Variants in EPAS1 observed in about 807,000 individuals in gnomAD.
EPAS1 encodes the protein endothelial PAS domain-containing protein 1.
Under a neutral mutation model 87.9 loss-of-function variants are expected in EPAS1, and 23 were observed. The ratio of observed to expected loss-of-function variants is 0.26; its 90% CI spans 0.19 to 0.37. The LOEUF (loss-of-function observed/expected upper bound fraction) is 0.37. Among genes scored for constraint, EPAS1 ranks in the 10% least tolerant of loss-of-function variants. The pLI, the probability that EPAS1 is intolerant of heterozygous loss-of-function variation, is 1.00. For synonymous variants in EPAS1, 508 were observed against 444.3 expected (o/e 1.14, Z -1.80); for missense variants, 1,138 against 1,120.7 (o/e 1.02, Z -0.22).
intron 1 of EPAS1, among the ~76,000 whole-genome samples, chr2:46,306,934 C>T (rs79670309): frequency 0.01 from 1,526 of 152,252 alleles, 9 homozygotes; most frequent in Non-Finnish European, 0.016. Flanking sequence ...ATTACCTCTG[C>T]AATATTTTTC....
chr2:46,357,432 C>T (rs116263710), intron 4 of EPAS1, among the ~76,000 whole-genome samples: 1 of 152,188 alleles, frequency 6.6e-6, no homozygotes, highest in Non-Finnish European at 1.5e-5. Flanking sequence ...CTCAGAGACT[C>T]TCCCTCTCCA....
At chr2:46,312,499 A>G (rs575404940) in intron 1 of EPAS1, among the ~76,000 whole-genome samples, 104 of 146,692 alleles carry the variant, frequency 7.1e-4, no homozygotes, top group Admixed American at 4.2e-3. Flanking sequence ...TTTTGCAACT[A>G]TTATCTCAAT....
chr2:46,338,983 A>C (rs1037545584), intron 1 of EPAS1, among the ~76,000 whole-genome samples: 1 of 152,208 alleles, frequency 6.6e-6, no homozygotes, highest in African/African-American at 2.4e-5. Context: ...CTGGATACAT[A>C]TCTTTTATTG....
Position 46,379,920 on chromosome 2 carries a change from G to A in EPAS1, c.1555-307G>A, listed in dbSNP as rs187454630. The A allele has an allele frequency of 3.2e-5, 15 of 472,784 alleles. No individual in the cohort carries two copies. In the East Asian group the frequency reaches 5.5e-4, roughly 17 times the overall value. The allele number at this position is 472,784 out of a possible 1,614,324, so 29.3% of individuals were successfully genotyped here. On this transcript the variant is annotated intron_variant, in intron 11 of 15. Transcript: ENST00000263734. ...GGCAGGGCTGACTCTGTGGAAGAGGGGCTGCCTCGGCTTCAAGAGAGAAGG... is the reference window on the plus strand; with the variant it reads ...GGCAGGGCTGACTCTGTGGAAGAGGAGCTGCCTCGGCTTCAAGAGAGAAGG...
At chr2:46,326,601 GC>G (rs1683570259) in intron 1 of EPAS1, among the ~76,000 whole-genome samples, 1 of 152,192 alleles carries the variant, frequency 6.6e-6, no homozygotes, top group South Asian at 2.1e-4. Flanking sequence ...GAAATGGATT[GC>G]CTTACTACCC....
rs116199217 is a variant in EPAS1, at chr2:46,301,612, T to G, written c.26+3675T>G. Reference sequence around the variant, plus strand: ...AAAAAAAAAAGTCAGAACCCTGGTTTATTACTTTCAATTAAGTATGTATTT... The same window carrying G: ...AAAAAAAAAAGTCAGAACCCTGGTTGATTACTTTCAATTAAGTATGTATTT... On this transcript the variant is annotated intron_variant, in intron 1 of 15. Coordinates refer to ENST00000263734, the MANE Select transcript of EPAS1 (RefSeq NM_001430.5). 7.7e-3 allele frequency among the ~76,000 whole-genome samples: 1,173 copies of G among 151,824 alleles called. 20 individuals are homozygous for G. Among genetic ancestry groups the G allele is most frequent in the African/African-American group, 0.027 (1,121 of 41,360 alleles).
At chr2:46,354,422 AAAT>A (rs1419917165) in intron 2 of EPAS1, among the ~76,000 whole-genome samples, 15 of 152,204 alleles carry the variant, frequency 9.9e-5, no homozygotes, top group African/African-American at 3.4e-4. Context: ...CTTTGGAGTT[AAAT>A]AATGAACTAG....
chr2:46,350,008 T>C (rs912487816), intron 2 of EPAS1, among the ~76,000 whole-genome samples: 1 of 152,188 alleles, frequency 6.6e-6, no homozygotes, highest in African/African-American at 2.4e-5. Context: ...TATTTGGGGA[T>C]TGAGATAACA....
chr2:46,320,428 A>G (rs1683431499), intron 1 of EPAS1, among the ~76,000 whole-genome samples: 1 of 151,866 alleles, frequency 6.6e-6, no homozygotes. Flanking sequence ...TGGCATAGCA[A>G]CTCCTACGTG....
intron 1 of EPAS1, among the ~76,000 whole-genome samples, chr2:46,334,923 G>C (rs149586273): frequency 6.6e-6 from 1 of 152,154 alleles, no homozygotes; most frequent in East Asian, 1.9e-4. Flanking sequence ...GCAAGTGTTC[G>C]CGCTGTGGCA....
chr2:46,361,306 A>C (rs1037230499), intron 6 of EPAS1, among the ~76,000 whole-genome samples: 3 of 152,196 alleles, frequency 2.0e-5, no homozygotes, highest in Non-Finnish European at 4.4e-5. Context: ...CTCAGGGTCC[A>C]TCTGCAGAGC....
At chr2:46,315,149 C>G (rs1683286444) in intron 1 of EPAS1, among the ~76,000 whole-genome samples, 1 of 152,192 alleles carries the variant, frequency 6.6e-6, no homozygotes, top group Non-Finnish European at 1.5e-5. Context: ...CACTGTGACT[C>G]ATATACATGT....
chr2:46,378,806 C>T, intron 11 of EPAS1, 39 bp downstream of exon 11: 1 of 1,522,644 alleles, frequency 6.6e-7, no homozygotes, highest in Non-Finnish European at 9.1e-7. Flanking sequence ...TGTGTGCCTG[C>T]TGTCTGGTGG....
At chr2:46,332,374 A>G (rs1683702481) in intron 1 of EPAS1, among the ~76,000 whole-genome samples, 1 of 150,494 alleles carries the variant, frequency 6.6e-6, no homozygotes, top group Admixed American at 6.6e-5. Flanking sequence ...TGGATAATGA[A>G]GTAAAGATGA....
chr2:46,307,551 G>A (rs1285421997), intron 1 of EPAS1, among the ~76,000 whole-genome samples: 2 of 152,132 alleles, frequency 1.3e-5, no homozygotes, highest in Non-Finnish European at 2.9e-5. Context: ...TGGCTTTCTT[G>A]CTATCACTCT....
At position 46,361,031 on chromosome 2, in the gene EPAS1, T is replaced by C; in HGVS notation, c.720T>C (p.Asp240=). The part of the protein sequence containing the change: ...QHPSHMDIPL[D]SKTFLSRHSM... ...CATCCCACATGGACATCCCCCTGGA[T>C]AGCAAGACCTTCCTGAGCCGCCACA... Residue 240 remains aspartate (D), a synonymous_variant, in exon 6 of 16, where the codon GAT becomes GAC. Coordinates refer to ENST00000263734, the MANE Select transcript of EPAS1 (RefSeq NM_001430.5). The C allele has an allele frequency of 6.2e-7, 1 of 1,614,154 alleles. No individual in the cohort carries two copies. The highest frequency in any genetic ancestry group is 8.5e-7 in the Non-Finnish European group (1 of 1,180,028).
intron 7 of EPAS1, among the ~76,000 whole-genome samples, chr2:46,373,001 C>G (rs188308532): frequency 5.9e-5 from 9 of 152,308 alleles, no homozygotes; most frequent in African/African-American, 2.2e-4. Flanking sequence ...GTTTGGTCTT[C>G]CCAGTGATTT....
In EPAS1 at chr2:46,334,261, G is replaced by A. The variant is rs370299814; in HGVS notation, c.27-12612G>A. 3.6e-4 allele frequency among the ~76,000 whole-genome samples: 55 copies of A among 152,262 alleles called. No individual in the cohort carries two copies. In the East Asian group the frequency reaches 6.6e-3, roughly 18 times the overall value. On this transcript the variant is annotated intron_variant, in intron 1 of 15. Transcript: ENST00000263734. ...CAGACAACAGGCTAGGCAATTATCC[G>A]GGCATCTGACTTTAGCTACCTGTCC...
intron 1 of EPAS1, chr2:46,335,723 C>G (rs1273941603): frequency 6.6e-6 from 1 of 152,074 alleles, no homozygotes; most frequent in East Asian, 1.9e-4. Flanking sequence ...TAAGAGGAGC[C>G]GGAGAGGTCC....
Sources: gnomAD v4.1 joint callset for allele counts (sites outside exome capture counted in the v4.1 genomes callset) on GRCh38, gnomAD v4.1.1 for gene constraint, MANE v1.5 for transcripts, NCBI Gene and HGNC (gene_info 2026-07-23, HGNC 2026-07-21) for gene names.